TENM4: variants seen among roughly 807,000 people sequenced by gnomAD.
TENM4 encodes teneurin-4.
Under a neutral mutation model 243.3 loss-of-function variants are expected in TENM4, and 82 were observed. The observed-to-expected ratio is 0.34, with a 90% confidence interval of 0.28 to 0.40. TENM4 has a LOEUF of 0.40. Ranked by LOEUF, TENM4 falls within the 10% of genes least tolerant of loss-of-function variation. TENM4 has a pLI of 1.00. For missense variants in TENM4, 3,138 were observed against 3,673.3 expected, an observed-to-expected ratio of 0.85 and a Z score of 3.77; for synonymous variants, 1,412 against 1,456.3, an observed-to-expected ratio of 0.97 and a Z score of 0.69.
At chr11:78,885,373 A>G (rs1281402232) in intron 9 of TENM4, among the ~76,000 whole-genome samples, 3 of 152,184 alleles carry the variant, frequency 2.0e-5, no homozygotes, top group African/African-American at 7.2e-5. Flanking sequence ...ACAAAAATAC[A>G]TATTTTCTCT....
intron 6 of TENM4, among the ~76,000 whole-genome samples, chr11:79,060,255 C>T (rs142683474): frequency 2.4e-4 from 37 of 152,340 alleles, no homozygotes; most frequent in Admixed American, 7.8e-4. Context: ...GCTGGCTCTG[C>T]CTGAAGGCCC....
chr11:79,376,654 G>A (rs1857897654), intron 1 of TENM4, among the ~76,000 whole-genome samples: 1 of 150,438 alleles, frequency 6.6e-6, no homozygotes, highest in East Asian at 2.0e-4. Flanking sequence ...ACGAACAGTG[G>A]TCCCAACATC....
At chr11:78,765,284 C>T (rs1017369211) in intron 18 of TENM4, among the ~76,000 whole-genome samples, 2 of 152,128 alleles carry the variant, frequency 1.3e-5, no homozygotes, top group African/African-American at 2.4e-5. Flanking sequence ...TTTATCTTCC[C>T]GTTAGAACAC....
Position 78,657,962 on chromosome 11 carries a change from C to A in TENM4, c.*96G>T, listed in dbSNP as rs750211668. On this transcript the variant is annotated 3_prime_UTR_variant, in exon 34 of 34. Coordinates refer to ENST00000278550, the MANE Select transcript of TENM4 (RefSeq NM_001098816.3). ...CAACCAGTATCTTTTTGTTTCTGCACTTGTTAAAAAATCATTTTTTTAAAA... is the reference window on the plus strand; with the variant it reads ...CAACCAGTATCTTTTTGTTTCTGCAATTGTTAAAAAATCATTTTTTTAAAA... The A allele has an allele frequency of 3.7e-5, 59 of 1,578,256 alleles. No individual in the cohort carries two copies. Among genetic ancestry groups the A allele is most frequent in the Non-Finnish European group, 4.9e-5 (56 of 1,150,544 alleles).
In TENM4 at chr11:79,098,708, T is replaced by G. The variant is rs75633571; in HGVS notation, c.-65-28699A>C. Among the ~76,000 whole-genome samples, 516 of 152,354 alleles carry G rather than the reference T, an allele frequency of 3.4e-3. 3 individuals are homozygous for G. Among genetic ancestry groups the G allele is most frequent in the African/African-American group, 9.8e-3 (408 of 41,584 alleles). On this transcript the variant is annotated intron_variant, in intron 4 of 33. Transcript: ENST00000278550. ...CAGCTGTGCCATACTGGGCAAGCGA[T>G]GGGTCTTCTCTGGGGCTCAGACCTT...
intron 9 of TENM4, among the ~76,000 whole-genome samples, chr11:78,872,005 T>C (rs1859143346): frequency 6.6e-6 from 1 of 152,220 alleles, no homozygotes; most frequent in African/African-American, 2.4e-5. Flanking sequence ...TAGATAGTAT[T>C]AGTAACTCCA....
chr11:79,121,078 T>C (rs1012830964), intron 4 of TENM4, among the ~76,000 whole-genome samples: 1 of 152,208 alleles, frequency 6.6e-6, no homozygotes, highest in Non-Finnish European at 1.5e-5. Flanking sequence ...CAAAACACTC[T>C]TAGATGGGGA....
chr11:79,275,747 G>T (rs2135353524), intron 2 of TENM4, among the ~76,000 whole-genome samples: 1 of 152,338 alleles, frequency 6.6e-6, no homozygotes, highest in East Asian at 1.9e-4. Flanking sequence ...TAAACTTCCA[G>T]ACCCAGGGCC....
chr11:78,962,991 T>C (rs1391274784), intron 6 of TENM4, among the ~76,000 whole-genome samples: 2 of 152,256 alleles, frequency 1.3e-5, no homozygotes, highest in Admixed American at 6.5e-5. Flanking sequence ...CTCTGGAACC[T>C]GCCTAAAAGC....
chr11:79,244,469 T>A (rs2135288662), intron 2 of TENM4, among the ~76,000 whole-genome samples: 1 of 152,060 alleles, frequency 6.6e-6, no homozygotes, highest in East Asian at 1.9e-4. Flanking sequence ...GTCTGTGTGG[T>A]GTGACGAGTC....
intron 1 of TENM4, among the ~76,000 whole-genome samples, chr11:79,381,612 C>G (rs1193004313): frequency 6.7e-6 from 1 of 150,204 alleles, no homozygotes; most frequent in Non-Finnish European, 1.5e-5. Flanking sequence ...GCAAGGTAGA[C>G]AGTGAGTCAG....
chr11:79,125,206 G>T (rs1214732054), intron 4 of TENM4, among the ~76,000 whole-genome samples: 4 of 152,080 alleles, frequency 2.6e-5, no homozygotes, highest in South Asian at 2.1e-4. Flanking sequence ...GAAGCAAGGG[G>T]TTTAGTGACT....
intron 1 of TENM4, among the ~76,000 whole-genome samples, chr11:79,336,396 G>A (rs1480300916): frequency 2.6e-5 from 4 of 152,152 alleles, no homozygotes; most frequent in Non-Finnish European, 4.4e-5. Context: ...AGATGACAGA[G>A]GAAAAAGAGT....
intron 6 of TENM4, among the ~76,000 whole-genome samples, chr11:79,060,011 G>T (rs933329865): frequency 1.3e-5 from 2 of 152,240 alleles, no homozygotes; most frequent in Non-Finnish European, 2.9e-5. Flanking sequence ...CCACATCCTA[G>T]AATCATGCTG....
intron 4 of TENM4, among the ~76,000 whole-genome samples, chr11:79,108,238 T>C (rs535043786): frequency 1.8e-4 from 27 of 152,244 alleles, no homozygotes; most frequent in African/African-American, 4.6e-4. Context: ...ATATCTACAG[T>C]CAATTGACTT....
At chr11:79,230,556 C>G (rs1472494524) in intron 2 of TENM4, among the ~76,000 whole-genome samples, 1 of 152,224 alleles carries the variant, frequency 6.6e-6, no homozygotes, top group Non-Finnish European at 1.5e-5. Flanking sequence ...CTCTCTGAGC[C>G]TTAGTTCCTT....
chr11:79,099,620 T>C (rs550912009), intron 4 of TENM4, among the ~76,000 whole-genome samples: 1 of 152,330 alleles, frequency 6.6e-6, no homozygotes, highest in South Asian at 2.1e-4. Flanking sequence ...CAGTAGAGCT[T>C]CTCAGGGATT....
At chr11:78,864,500 T>G (rs529758104) in intron 9 of TENM4, among the ~76,000 whole-genome samples, 93 of 150,818 alleles carry the variant, frequency 6.2e-4, no homozygotes, top group African/African-American at 2.2e-3. Flanking sequence ...TAAAAAGTCT[T>G]GTACGACAAT....
chr11:79,309,019 G>T (rs1856674438), intron 1 of TENM4, among the ~76,000 whole-genome samples: 1 of 152,058 alleles, frequency 6.6e-6, no homozygotes, highest in African/African-American at 2.4e-5. Context: ...AAAGCAGAAT[G>T]CCTATAGAGA....
Sources: allele counts gnomAD v4.1 joint callset (sites outside exome capture counted in the v4.1 genomes callset), GRCh38; gene constraint gnomAD v4.1.1; transcripts MANE v1.5; gene names NCBI Gene and HGNC (gene_info 2026-07-23, HGNC 2026-07-21).